The following MED28 variants were observed in gnomAD, a reference collection of about 807,000 sequenced individuals.
MED28 encodes mediator complex subunit 28.
A neutral mutation model predicts 21.3 loss-of-function variants in MED28; 26 were observed. The observed-to-expected ratio is 1.22, with a 90% CI of 0.89 to 1.69. The LOEUF (loss-of-function observed/expected upper bound fraction) is 1.69. Among genes scored for constraint, MED28 ranks in the 40% most tolerant of loss-of-function variants. The probability of loss-of-function intolerance (pLI) is 0.00; values close to 1 mark genes in which losing one functional copy is unlikely to be tolerated. For synonymous variants in MED28, 110 were observed against 87.6 expected, an observed-to-expected ratio of 1.26 and a Z score of -1.43; for missense variants, 257 against 215.4, an observed-to-expected ratio of 1.19 and a Z score of -1.21.
At chr4:17,619,110 C>G (rs183953227) in intron 1 of MED28, among the ~76,000 whole-genome samples, 1 of 152,288 alleles carries the variant, frequency 6.6e-6, no homozygotes, top group African/African-American at 2.4e-5. Context: ...TTCTGTGCCT[C>G]CCCAATCTCC....
Position 17,625,748 on chromosome 4 carries a change from C to T in MED28, c.*1950C>T, listed in dbSNP as rs1020327807. The T allele has an allele frequency of 2.3e-6, 1 of 427,696 alleles. No individual in the cohort carries two copies. Among genetic ancestry groups the T allele is most frequent in the Non-Finnish European group, 4.6e-6 (1 of 217,076 alleles). The allele number at this position is 427,696 out of a possible 1,614,324, so 26.5% of individuals were successfully genotyped here. On this transcript the variant is annotated 3_prime_UTR_variant, in exon 4 of 4. Transcript: ENST00000237380. Reference sequence around the variant, plus strand: ...ATCACAAGCCATCTTCTCAAGTTCCCCTAGAAACCTGTGGAATGCCCTCTG... The same window carrying T: ...ATCACAAGCCATCTTCTCAAGTTCCTCTAGAAACCTGTGGAATGCCCTCTG...
At chr4:17,621,797 T>TTATAGG in intron 3 of MED28, 98 bp downstream of exon 3, 1 of 829,322 alleles carries the variant, frequency 1.2e-6, no homozygotes. Context: ...TCCTGCGAGT[T>TTATAGG]TCATTCAGGC....
Position 17,626,209 on chromosome 4 carries a change from C to G in MED28, c.*2411C>G, listed in dbSNP as rs1714768203. On this transcript the variant is annotated 3_prime_UTR_variant, in exon 4 of 4. Coordinates refer to ENST00000237380, the MANE Select transcript of MED28 (RefSeq NM_025205.5). ...CCAAGATCGTGCCATTGCACTCCATCCTGGGCTACAAGAGTGAAACTCCGT... is the reference window on the plus strand; with the variant it reads ...CCAAGATCGTGCCATTGCACTCCATGCTGGGCTACAAGAGTGAAACTCCGT... The G allele has an allele frequency of 6.5e-6, 1 of 152,950 alleles. No individual in the cohort carries two copies. The highest frequency in any genetic ancestry group is 2.1e-4 in the South Asian group (1 of 4,872). 9.5% of individuals were successfully genotyped at this position (152,950 alleles called of 1,614,324 possible).
At chr4:17,620,133 TATTA>T (rs1471511784) in intron 2 of MED28, 166 bp downstream of exon 2, 3 of 640,062 alleles carry the variant, frequency 4.7e-6, no homozygotes, top group Non-Finnish European at 8.3e-6. Flanking sequence ...TGGTTCAGTT[TATTA>T]ATTGACATAT....
At chr4:17,620,692 C>CTT (rs146604205) in intron 2 of MED28, among the ~76,000 whole-genome samples, 4,568 of 108,616 alleles carry the variant, frequency 0.042, 319 homozygotes, top group African/African-American at 0.15. Context: ...TGCATTGTCT[C>CTT]TTTTTTTTTT....
intron 2 of MED28, 129 bp downstream of exon 2, chr4:17,620,096 A>T: frequency 1.2e-6 from 1 of 804,366 alleles, no homozygotes; most frequent in Non-Finnish European, 2.1e-6. Context: ...AAATGTGTGC[A>T]CATAATCTCT....
At chr4:17,615,257 G>A (rs762434066) in intron 1 of MED28, among the ~76,000 whole-genome samples, 2 of 152,174 alleles carry the variant, frequency 1.3e-5, no homozygotes, top group Non-Finnish European at 2.9e-5. Context: ...TAAGTTACCA[G>A]GCGCAGCTTG....
Position 17,632,641 on chromosome 4 carries a change from G to T in MED28, c.*8843G>T, listed in dbSNP as rs1028657785. 1.9e-5 allele frequency: 19 copies of T among 1,012,376 alleles called. No homozygotes were observed. Among genetic ancestry groups the T allele is most frequent in the Non-Finnish European group, 2.8e-5 (19 of 686,790 alleles). 62.7% of individuals were successfully genotyped at this position (1,012,376 alleles called of 1,614,324 possible). On this transcript the variant is annotated 3_prime_UTR_variant, in exon 4 of 4. Transcript: ENST00000237380. ...ATCTGGGGTCCTAAAAGCAAAAAAAGGTTTTTTTATATGGTTTTGAAAACT... is the reference window on the plus strand; with the variant it reads ...ATCTGGGGTCCTAAAAGCAAAAAAATGTTTTTTTATATGGTTTTGAAAACT...
Position 17,632,432 on chromosome 4 carries a change from G to A in MED28, c.*8634G>A. The stretch of plus-strand genomic sequence containing the variant: ...TTTAGCTATCATATATAAATCATAA[G>A]CATATTATTTGGTTGGTTGGTGTTA... On this transcript the variant is annotated 3_prime_UTR_variant, in exon 4 of 4. Transcript: ENST00000237380. 2.0e-6 allele frequency: 2 copies of A among 982,790 alleles called. No individual in the cohort carries two copies. Among genetic ancestry groups the A allele is most frequent in the East Asian group, 2.7e-5 (1 of 36,494 alleles). 60.9% of individuals were successfully genotyped at this position (982,790 alleles called of 1,614,324 possible). A position where few individuals can be genotyped will look rare whatever the true frequency, so the allele number is the denominator to read the frequency against.
intron 2 of MED28, among the ~76,000 whole-genome samples, chr4:17,620,636 T>C (rs966063299): frequency 6.6e-6 from 1 of 150,506 alleles, no homozygotes; most frequent in Non-Finnish European, 1.5e-5. Context: ...CCCGGCCTTA[T>C]ATGTGCCATT....
rs550865476 is a variant in MED28 at position 17,627,427 on chromosome 4, A to G, written c.*3629A>G. ...CTTTACTTGAACTTAATTCTTTTTC[A>G]TGCATCTTCCCTTCTTTCCTCTTTT... On this transcript the variant is annotated 3_prime_UTR_variant, in exon 4 of 4. Transcript: ENST00000237380. The G allele has an allele frequency of 6.6e-6, 1 of 152,294 alleles. No individual in the cohort carries two copies. The highest frequency in any genetic ancestry group is 1.9e-4 in the East Asian group (1 of 5,196). The allele number at this position is 152,294 out of a possible 1,614,324, so 9.4% of individuals were successfully genotyped here.
Position 17,629,483 on chromosome 4 carries a change from C to T in MED28, c.*5685C>T, listed in dbSNP as rs979667594. 2 of 152,172 alleles carry T rather than the reference C, an allele frequency of 1.3e-5. No homozygotes were observed. Among genetic ancestry groups the T allele is most frequent in the Admixed American group, 1.3e-4 (2 of 15,270 alleles). The allele number at this position is 152,172 out of a possible 1,614,324, so 9.4% of individuals were successfully genotyped here. On this transcript the variant is annotated 3_prime_UTR_variant, in exon 4 of 4. Transcript: ENST00000237380. Reference sequence around the variant, plus strand: ...AGGGCTCAGGTATGTGGTGTGCAGCCATTGACTGGGTGAATCCATTTTTAC... The same window carrying T: ...AGGGCTCAGGTATGTGGTGTGCAGCTATTGACTGGGTGAATCCATTTTTAC...
rs528603481 is a variant in MED28 at position 17,625,869 on chromosome 4, C to G, written c.*2071C>G. The G allele has an allele frequency of 3.4e-4, 81 of 237,084 alleles. 2 individuals carry two copies. The South Asian group carries it at 3.5e-3, about 10-fold the overall frequency. The allele number at this position is 237,084 out of a possible 1,614,324, so 14.7% of individuals were successfully genotyped here. ...GGGTACGTTCTGGTCTGGCTTGGTG[C>G]TTGACCTTAGGTCTGCCCACAGGCT... On this transcript the variant is annotated 3_prime_UTR_variant, in exon 4 of 4. Transcript: ENST00000237380.
chr4:17,615,869 T>C (rs1484184562), intron 1 of MED28, among the ~76,000 whole-genome samples: 2 of 152,100 alleles, frequency 1.3e-5, no homozygotes, highest in Non-Finnish European at 2.9e-5. Flanking sequence ...TTTTGTATTG[T>C]ATCTAATAGC....
In MED28 at chr4:17,624,061, A is replaced by T; in HGVS notation, c.*263A>T. 1 of 438,188 alleles carries T rather than the reference A, an allele frequency of 2.3e-6. No homozygotes were observed. Among genetic ancestry groups the T allele is most frequent in the Non-Finnish European group, 4.1e-6 (1 of 243,410 alleles). 27.1% of individuals were successfully genotyped at this position (438,188 alleles called of 1,614,324 possible). On this transcript the variant is annotated 3_prime_UTR_variant, in exon 4 of 4. Transcript: ENST00000237380. ...AAGTTTAGACTGTGAATATGATGAC[A>T]CAGATTCTTTTTTATGGTGGCTTTG... is the stretch of plus-strand genomic sequence containing the variant.
intron 1 of MED28, among the ~76,000 whole-genome samples, chr4:17,618,013 CTTTT>C (rs529883796): frequency 8.5e-6 from 1 of 117,914 alleles, no homozygotes; most frequent in Non-Finnish European, 1.7e-5. Context: ...CTTTTCTTTT[CTTTT>C]TTTTTTTTTT....
Position 17,614,669 on chromosome 4 carries a change from AG to A in MED28, c.20del (p.Gly7ValfsTer54), listed in dbSNP as rs1408274981. On this transcript the variant is annotated frameshift_variant, in exon 1 of 4. Transcript: ENST00000237380. LOFTEE classifies it high-confidence loss of function. MAAPL[G>X]GMFSGQPPGP... Reference sequence around the variant, plus strand: ...CCATTCCAAACATGGCGGCTCCACTAGGGGGTATGTTTTCTGGGCAGCCACC... The same window carrying A: ...CCATTCCAAACATGGCGGCTCCACTAGGGGTATGTTTTCTGGGCAGCCACC... 3 of 1,611,714 alleles carry A rather than the reference AG, an allele frequency of 1.9e-6. No individual in the cohort carries two copies. Among genetic ancestry groups the A allele is most frequent in the Admixed American group, 3.4e-5 (2 of 59,192 alleles).
rs1714809481 is a variant in MED28 at position 17,627,901 on chromosome 4, G to A, written c.*4103G>A. The A allele has an allele frequency of 6.6e-6, 1 of 152,234 alleles. No individual in the cohort carries two copies. Among genetic ancestry groups the A allele is most frequent in the East Asian group, 1.9e-4 (1 of 5,210 alleles). The allele number at this position is 152,234 out of a possible 1,614,324, so 9.4% of individuals were successfully genotyped here. A position where few individuals can be genotyped will look rare whatever the true frequency, so the allele number is the denominator to read the frequency against. On this transcript the variant is annotated 3_prime_UTR_variant, in exon 4 of 4. Coordinates refer to ENST00000237380, the MANE Select transcript of MED28 (RefSeq NM_025205.5). Reference sequence around the variant, plus strand: ...CATCAGCCTGGCCATGACATCTTTGGAGCTGTCCTGCCCTCTTTTGCCCCG... The same window carrying A: ...CATCAGCCTGGCCATGACATCTTTGAAGCTGTCCTGCCCTCTTTTGCCCCG...
intron 1 of MED28, 61 bp downstream of exon 1, chr4:17,614,874 C>G: frequency 6.6e-7 from 1 of 1,511,266 alleles, no homozygotes; most frequent in African/African-American, 1.4e-5. Context: ...ACGTGAACTG[C>G]GCGTACGCGT....
Sources: allele counts gnomAD v4.1 joint callset (sites outside exome capture counted in the v4.1 genomes callset), GRCh38; gene constraint gnomAD v4.1.1; transcripts MANE v1.5; gene names NCBI Gene and HGNC (gene_info 2026-07-23, HGNC 2026-07-21).